The following SYNE2 variants were observed in gnomAD, a reference collection of about 807,000 sequenced individuals.
The protein encoded by SYNE2 is nesprin-2.
Under a neutral mutation model 856.3 loss-of-function variants are expected in SYNE2, and 431 were observed. The observed-to-expected ratio is 0.50, with a 90% CI of 0.47 to 0.55. SYNE2 has a LOEUF of 0.55. Ranked by LOEUF, SYNE2 falls within the 20% of genes least tolerant of loss-of-function variation. SYNE2 has a pLI of 0.00. For missense variants in SYNE2, 8,129 were observed against 8,023.2 expected, an observed-to-expected ratio of 1.01 and a Z score of -0.50; for synonymous variants, 2,923 against 2,872.3, an observed-to-expected ratio of 1.02 and a Z score of -0.56.
intron 80 of SYNE2, 128 bp from the exon 81 acceptor site, chr14:64,141,213 T>C: frequency 1.4e-6 from 1 of 690,662 alleles, no homozygotes; most frequent in South Asian, 2.0e-5. Context: ...AAAAGGGGTG[T>C]GTGTGTGTGT....
chr14:64,113,139 G>T, intron 65 of SYNE2: 2 of 985,334 alleles, frequency 2.0e-6, no homozygotes, highest in Non-Finnish European at 1.2e-6. Context: ...CTGCTTACTC[G>T]CAGATCGGCT....
intron 1 of SYNE2, among the ~76,000 whole-genome samples, chr14:63,896,023 A>T (rs1481755905): frequency 6.6e-6 from 1 of 152,170 alleles, no homozygotes; most frequent in Non-Finnish European, 1.5e-5. Context: ...ATGAAGGAAA[A>T]ATAGGGATAG....
chr14:64,137,640 C>A (rs910047738), intron 78 of SYNE2, 147 bp from the exon 79 acceptor site: 11 of 807,844 alleles, frequency 1.4e-5, no homozygotes, highest in African/African-American at 1.2e-4. Context: ...AATCATGCAT[C>A]CAGTCAGACT....
chr14:63,884,914 A>G (rs2094948384), intron 1 of SYNE2, among the ~76,000 whole-genome samples: 1 of 152,116 alleles, frequency 6.6e-6, no homozygotes, highest in South Asian at 2.1e-4. Context: ...TGCTGGGATT[A>G]CAGGCAGGAG....
chr14:63,862,916 G>T (rs1894132984), intron 1 of SYNE2, among the ~76,000 whole-genome samples: 1 of 151,966 alleles, frequency 6.6e-6, no homozygotes, highest in South Asian at 2.1e-4. Flanking sequence ...TACTGCCTCA[G>T]CCTCCTGAGT....
At chr14:63,790,071 G>T (rs904648409) in intron 1 of SYNE2, among the ~76,000 whole-genome samples, 1 of 152,158 alleles carries the variant, frequency 6.6e-6, no homozygotes, top group African/African-American at 2.4e-5. Flanking sequence ...GGGATTGGCC[G>T]GAAATTGCTC....
intron 10 of SYNE2, among the ~76,000 whole-genome samples, chr14:63,966,660 G>C (rs374228783): frequency 1.3e-5 from 2 of 151,596 alleles, no homozygotes; most frequent in African/African-American, 4.9e-5. Flanking sequence ...CTGGGCTCAA[G>C]CCACTCTCCC....
At chr14:63,789,316 T>A (rs983067876) in intron 1 of SYNE2, among the ~76,000 whole-genome samples, 2 of 152,216 alleles carry the variant, frequency 1.3e-5, no homozygotes, top group Non-Finnish European at 2.9e-5. Context: ...GATCTCCTGT[T>A]TCCTGTGTCC....
intron 1 of SYNE2, among the ~76,000 whole-genome samples, chr14:63,807,732 A>C (rs1267138748): frequency 7.1e-6 from 1 of 140,650 alleles, no homozygotes; most frequent in African/African-American, 2.6e-5. Context: ...TGGCAGGATC[A>C]TGGCCTCCAC....
At chr14:64,012,774 A>C (rs1279890861) in intron 32 of SYNE2, among the ~76,000 whole-genome samples, 3 of 152,214 alleles carry the variant, frequency 2.0e-5, no homozygotes, top group Non-Finnish European at 2.9e-5. Context: ...GGTTTTTAAA[A>C]AACTGTCTAA....
chr14:63,841,047 C>T (rs71437513), intron 1 of SYNE2, among the ~76,000 whole-genome samples: 8,467 of 151,490 alleles, frequency 0.056, 260 homozygotes, highest in Middle Eastern at 0.099. Flanking sequence ...AAACAAAAAA[C>T]TGTGGAAAGG....
At chr14:64,198,592 T>A (rs1383202492) in intron 99 of SYNE2, among the ~76,000 whole-genome samples, 1 of 152,188 alleles carries the variant, frequency 6.6e-6, no homozygotes, top group African/African-American at 2.4e-5. Context: ...CCTGGCTGGA[T>A]GAGTGCTTTG....
chr14:63,778,635 C>A (rs1288306851), intron 1 of SYNE2, among the ~76,000 whole-genome samples: 1 of 152,148 alleles, frequency 6.6e-6, no homozygotes, highest in Non-Finnish European at 1.5e-5. Context: ...CCACATCAGA[C>A]TCCTGAGTAG....
chr14:63,949,914 T>G lies in SYNE2; in HGVS notation c.498T>G (p.Ser166Arg), dbSNP rs780045161. The change falls in exon 7 of 116, where the codon AGT (serine) becomes AGG (arginine). Residue 166 changes from serine to arginine, a missense_variant. This residue lies in a region of SYNE2 where 2,422 missense variants were observed against 2,357.4 expected (regional missense o/e 1.03). Coordinates refer to ENST00000555002, the MANE Select transcript of SYNE2 (RefSeq NM_182914.3). ...VSVVDSSPAS[S>R]PPAKKCSKVQ... is the part of the protein sequence containing the mutation. The stretch of plus-strand genomic sequence containing the variant: ...TGGTTGACTCATCTCCTGCCTCAAG[T>G]CCTCCAGCTAAGAAATGCTCTAAAG... 2.5e-6 allele frequency: 4 copies of G among 1,614,106 alleles called. No individual in the cohort carries two copies. The highest frequency in any genetic ancestry group is 8.5e-7 in the Non-Finnish European group (1 of 1,180,010).
Position 64,080,609 on chromosome 14 carries a change from G to A in SYNE2, c.11317G>A (p.Ala3773Thr), listed in dbSNP as rs1436268323. 3 of 1,614,192 alleles carry A rather than the reference G, an allele frequency of 1.9e-6. No homozygotes were observed. Among genetic ancestry groups the A allele is most frequent in the South Asian group, 1.1e-5 (1 of 91,074 alleles). ...FQQYQQVSQR[A>T]ECRTSQLNKA... is the part of the protein sequence containing the mutation. Reference sequence around the variant, plus strand: ...GCAGTATCAGCAAGTATCACAGAGAGCAGAGTGTAGAACCTCACAGTTGAA... The same window carrying A: ...GCAGTATCAGCAAGTATCACAGAGAACAGAGTGTAGAACCTCACAGTTGAA... Residue 3773 changes from alanine (A) to threonine (T), a missense_variant, in exon 56 of 116, where the codon GCA becomes ACA. By Grantham distance (58) the Ala-to-Thr change is moderately conservative. This residue lies in a region of SYNE2 where 5,410 missense variants were observed against 5,284.8 expected (regional missense o/e 1.02). Transcript: ENST00000555002.
At position 64,030,007 on chromosome 14, in the gene SYNE2, C is replaced by T; in HGVS notation, c.6827C>T (p.Ser2276Phe). ...DNFSKEFVSF[S>F]DKPVDQIAVE... is the part of the protein sequence containing the mutation. ...TTCTCCAAGGAATTTGTCAGTTTTT[C>T]TGATAAGCCTGTGGATCAAATAGCG... Residue 2276 changes from serine (S) to phenylalanine (F), a missense_variant, in exon 44 of 116, where the codon TCT (serine) becomes TTT (phenylalanine). Physicochemically the swap from Ser to Phe is radical, Grantham distance 155 (BLOSUM62 -2). Coordinates refer to ENST00000555002, the MANE Select transcript of SYNE2 (RefSeq NM_182914.3). The T allele has an allele frequency of 6.2e-7, 1 of 1,614,048 alleles. No homozygotes were observed. Among genetic ancestry groups the T allele is most frequent in the African/African-American group, 1.3e-5 (1 of 75,022 alleles).
At chr14:63,956,452 T>C (rs1172330832) in intron 8 of SYNE2, 3 of 456,664 alleles carry the variant, frequency 6.6e-6, no homozygotes, top group Non-Finnish European at 1.3e-5. Flanking sequence ...TCTGAACATT[T>C]AGCAGTCAAC....
chr14:64,215,683 C>G, intron 107 of SYNE2: 1 of 434,944 alleles, frequency 2.3e-6, no homozygotes. Flanking sequence ...TTCATGGTGG[C>G]TTGGTTTGGA....
intron 2 of SYNE2, among the ~76,000 whole-genome samples, chr14:63,930,398 T>TA (rs1566828668): frequency 2.6e-5 from 4 of 152,038 alleles, no homozygotes; most frequent in East Asian, 1.9e-4. Context: ...TGTTAATTTT[T>TA]AAAAAAAATT....
Sources: gnomAD v4.1 joint callset for allele counts (sites outside exome capture counted in the v4.1 genomes callset) on GRCh38, gnomAD v4.1.1 for gene constraint, gnomAD v4.1.1 regional missense constraint, MANE v1.5 for transcripts, NCBI Gene and HGNC (gene_info 2026-07-23, HGNC 2026-07-21) for gene names.